DNAJC1: variants seen among roughly 807,000 people sequenced by gnomAD.
The protein encoded by DNAJC1 is DnaJ heat shock protein family (Hsp40) member C1.
A neutral mutation model predicts 76.6 loss-of-function variants in DNAJC1; 58 were observed. The ratio of observed to expected loss-of-function variants is 0.76; its 90% CI spans 0.61 to 0.94. The LOEUF (loss-of-function observed/expected upper bound fraction) is 0.94, where lower values mean the gene tolerates loss of function less well. Ranked by LOEUF, DNAJC1 falls within the 40% of genes least tolerant of loss-of-function variation. The pLI is 0.00. For synonymous variants in DNAJC1, 258 were observed against 267.9 expected (o/e 0.96, Z 0.36); for missense variants, 689 against 677.3 (o/e 1.02, Z -0.19).
At chr10:21,780,451 A>C (rs960648705) in intron 9 of DNAJC1, among the ~76,000 whole-genome samples, 60 of 152,210 alleles carry the variant, frequency 3.9e-4, no homozygotes, top group Non-Finnish European at 6.6e-4. Context: ...CAACATTCTT[A>C]AAGAAAAGAA....
intron 1 of DNAJC1, among the ~76,000 whole-genome samples, chr10:21,985,293 A>G (rs1333257401): frequency 1.5e-5 from 2 of 133,626 alleles, no homozygotes; most frequent in African/African-American, 5.8e-5. Flanking sequence ...TCTGTTGCCC[A>G]GGCTGGAGTG....
chr10:21,843,742 C>CTT (rs1156943907), intron 8 of DNAJC1, among the ~76,000 whole-genome samples: 2 of 137,842 alleles, frequency 1.5e-5, no homozygotes, highest in African/African-American at 2.7e-5. Context: ...ATTTTACAAT[C>CTT]TTTTTTTTTT....
intron 8 of DNAJC1, among the ~76,000 whole-genome samples, chr10:21,831,865 GA>G (rs1232862490): frequency 6.6e-6 from 1 of 151,506 alleles, no homozygotes; most frequent in Admixed American, 6.6e-5. Context: ...TAGGTGGCCA[GA>G]AATCTCCCAA....
chr10:21,759,548 C>CA lies in DNAJC1; in HGVS notation c.1217dup (p.Leu406PhefsTer4), dbSNP rs1181396110. The CA allele has an allele frequency of 6.2e-7, 1 of 1,614,042 alleles. No homozygotes were observed. Among genetic ancestry groups the CA allele is most frequent in the Non-Finnish European group, 8.5e-7 (1 of 1,180,040 alleles). ...CTCGCTGGGTGATCATGTCATCGGG[C>CA]AAGGTGGTGGCCGTTTTGATGGGCC... On this transcript the variant is annotated frameshift_variant, in exon 11 of 12. Transcript: ENST00000376980. LOFTEE classifies it high-confidence loss of function.
chr10:21,850,203 A>G (rs1420555138), intron 8 of DNAJC1, among the ~76,000 whole-genome samples: 1 of 152,162 alleles, frequency 6.6e-6, no homozygotes, highest in Non-Finnish European at 1.5e-5. Flanking sequence ...ATATCATCTG[A>G]TATGTAGAAA....
At chr10:21,771,166 C>G (rs1001439567) in intron 9 of DNAJC1, among the ~76,000 whole-genome samples, 14 of 152,134 alleles carry the variant, frequency 9.2e-5, no homozygotes, top group Non-Finnish European at 1.9e-4. Flanking sequence ...TTGCTAAACT[C>G]ATTTATTAGT....
intron 7 of DNAJC1, among the ~76,000 whole-genome samples, chr10:21,904,321 T>C (rs1402197396): frequency 6.6e-6 from 1 of 151,880 alleles, no homozygotes; most frequent in Non-Finnish European, 1.5e-5. Flanking sequence ...CCTTCTGATA[T>C]CAAACTTTGG....
At chr10:21,884,800 A>G (rs190568983) in intron 7 of DNAJC1, among the ~76,000 whole-genome samples, 2 of 152,304 alleles carry the variant, frequency 1.3e-5, no homozygotes, top group African/African-American at 4.8e-5. Context: ...AAATAAATTC[A>G]ATTGTTTGTA....
intron 9 of DNAJC1, chr10:21,804,110 T>C (rs1834853041): frequency 3.6e-6 from 1 of 277,314 alleles, no homozygotes; most frequent in African/African-American, 2.3e-5. Flanking sequence ...TTGTTGGTTA[T>C]ATCCTGTGTA....
intron 7 of DNAJC1, among the ~76,000 whole-genome samples, chr10:21,895,802 T>A (rs1012040190): frequency 1.3e-5 from 2 of 152,186 alleles, no homozygotes; most frequent in Non-Finnish European, 2.9e-5. Flanking sequence ...CACCAGGTCC[T>A]TGAGGGCAGA....
At chr10:21,836,531 G>A (rs530381101) in intron 8 of DNAJC1, among the ~76,000 whole-genome samples, 4 of 152,136 alleles carry the variant, frequency 2.6e-5, no homozygotes, top group Non-Finnish European at 4.4e-5. Context: ...ACACAGACTG[G>A]CAAATTGGAT....
chr10:21,857,361 C>G (rs772827759), intron 8 of DNAJC1, among the ~76,000 whole-genome samples: 5 of 151,670 alleles, frequency 3.3e-5, no homozygotes, highest in South Asian at 4.1e-4. Flanking sequence ...AAATGTGAAA[C>G]TAAGCAGGGA....
chr10:21,805,078 C>T (rs1024281026), intron 9 of DNAJC1, among the ~76,000 whole-genome samples: 1 of 151,954 alleles, frequency 6.6e-6, no homozygotes, highest in Non-Finnish European at 1.5e-5. Flanking sequence ...AATCATTTTG[C>T]AGGTTTTAAA....
intron 1 of DNAJC1, among the ~76,000 whole-genome samples, chr10:21,975,757 T>C (rs1838051477): frequency 6.6e-6 from 1 of 152,236 alleles, no homozygotes; most frequent in East Asian, 1.9e-4. Flanking sequence ...ACATTAATTT[T>C]ACTTAGTGTT....
intron 1 of DNAJC1, among the ~76,000 whole-genome samples, chr10:21,929,839 C>T (rs45540239): frequency 0.011 from 1,613 of 152,116 alleles, 14 homozygotes; most frequent in Non-Finnish European, 0.017. Context: ...AAAAGGTTAC[C>T]GTGGTTCAGT....
intron 6 of DNAJC1, among the ~76,000 whole-genome samples, chr10:21,914,762 G>C (rs1213437062): frequency 6.6e-6 from 1 of 152,140 alleles, no homozygotes; most frequent in Non-Finnish European, 1.5e-5. Context: ...GGGAAGTACT[G>C]CATCTACAAA....
intron 8 of DNAJC1, among the ~76,000 whole-genome samples, chr10:21,873,209 G>A (rs1836132590): frequency 6.6e-6 from 1 of 152,106 alleles, no homozygotes; most frequent in Non-Finnish European, 1.5e-5. Flanking sequence ...TCGGATTTTG[G>A]AGACGTGAGC....
chr10:21,971,370 T>C (rs1837974622), intron 1 of DNAJC1, among the ~76,000 whole-genome samples: 1 of 151,828 alleles, frequency 6.6e-6, no homozygotes, highest in African/African-American at 2.4e-5. Flanking sequence ...ATTTTACCTT[T>C]AGAAGTTAAA....
intron 10 of DNAJC1, among the ~76,000 whole-genome samples, chr10:21,763,511 CTT>C (rs1834263389): frequency 6.7e-6 from 1 of 149,072 alleles, no homozygotes; most frequent in Non-Finnish European, 1.5e-5. Flanking sequence ...GACTCAGACA[CTT>C]TTCATTGCAT....
Sources: gnomAD v4.1 joint callset for allele counts (sites outside exome capture counted in the v4.1 genomes callset) on GRCh38, gnomAD v4.1.1 for gene constraint, MANE v1.5 for transcripts, NCBI Gene and HGNC (gene_info 2026-07-23, HGNC 2026-07-21) for gene names.